HPSE2: variants seen among roughly 807,000 people sequenced by gnomAD.
HPSE2 encodes the protein inactive heparanase-2.
In HPSE2, 38 loss-of-function variants were observed where a neutral mutation model predicts 60.5. That is an observed-to-expected ratio of 0.63 (90% CI 0.48 to 0.82). The LOEUF (loss-of-function observed/expected upper bound fraction) is 0.82, where lower values mean the gene tolerates loss of function less well. Ranked by LOEUF, HPSE2 falls within the 40% of genes least tolerant of loss-of-function variation. The pLI, the probability that HPSE2 is intolerant of heterozygous loss-of-function variation, is 0.00. For missense variants in HPSE2, 713 were observed against 740.4 expected (o/e 0.96, Z 0.43); for synonymous variants, 295 against 293.2 (o/e 1.01, Z -0.06).
At chr10:99,091,593 CA>C in intron 3 of HPSE2, among the ~76,000 whole-genome samples, 1 of 151,894 alleles carries the variant, frequency 6.6e-6, no homozygotes, top group Non-Finnish European at 1.5e-5. Flanking sequence ...AAAACAACAA[CA>C]AAAAAAATGA....
intron 3 of HPSE2, among the ~76,000 whole-genome samples, chr10:98,925,288 C>T (rs1214182590): frequency 6.6e-6 from 1 of 151,862 alleles, no homozygotes; most frequent in Non-Finnish European, 1.5e-5. Flanking sequence ...GCCAGAGGGA[C>T]AAACAGTGAA....
Position 98,805,548 on chromosome 10 carries a change from A to G in HPSE2, c.611-61492T>C, listed in dbSNP as rs546810353. Among the ~76,000 whole-genome samples the G allele has an allele frequency of 3.9e-5, 6 of 152,264 alleles. No individual in the cohort carries two copies. In the South Asian group the frequency reaches 8.3e-4, roughly 21 times the overall value. On this transcript the variant is annotated intron_variant, in intron 3 of 11. Transcript: ENST00000370552. ...ATATATACACATACACCTACTATGTATCCACAAAAATAAAAAGATTAAAAA... is the reference window on the plus strand; with the variant it reads ...ATATATACACATACACCTACTATGTGTCCACAAAAATAAAAAGATTAAAAA...
chr10:98,825,977 G>A (rs534912239), intron 3 of HPSE2, among the ~76,000 whole-genome samples: 15 of 152,248 alleles, frequency 9.9e-5, no homozygotes, highest in Admixed American at 9.8e-4. Flanking sequence ...CCTACTTCCA[G>A]ACTCCTCATC....
rs779720749 is a variant in HPSE2 at position 98,852,113 on chromosome 10, A to ATATGTG, written c.611-108058_611-108057insCACATA. 3.9e-3 allele frequency among the ~76,000 whole-genome samples: 361 copies of ATATGTG among 91,900 alleles called. 2 individuals carry two copies. Among genetic ancestry groups the ATATGTG allele is most frequent in the East Asian group, 0.02 (52 of 2,620 alleles). 60.3% of individuals were successfully genotyped at this position (91,900 alleles called of 152,430 possible). A position where few individuals can be genotyped will look rare whatever the true frequency, so the allele number is the denominator to read the frequency against. ...GGTTTTGCAAACCTTGTATATTATGATGTGTGTGTGTGTGTGTGTGTGTGT... is the reference window on the plus strand; with the variant it reads ...GGTTTTGCAAACCTTGTATATTATGATATGTGTGTGTGTGTGTGTGTGTGTGTGTGT... On this transcript the variant is annotated intron_variant, in intron 3 of 11. Transcript: ENST00000370552.
rs72831964 is a variant in HPSE2, at chr10:98,644,948, A to T, written c.1005-3008T>A. Reference sequence around the variant, plus strand: ...AGCGGGAGGAGATACAGGCATGGAAACCAATAAATAAAGTTATTTTATCTC... The same window carrying T: ...AGCGGGAGGAGATACAGGCATGGAATCCAATAAATAAAGTTATTTTATCTC... On this transcript the variant is annotated intron_variant, in intron 6 of 11. Transcript: ENST00000370552. Among the ~76,000 whole-genome samples the T allele has an allele frequency of 8.1e-3, 1,240 of 152,272 alleles. 9 individuals are homozygous for T. The highest frequency in any genetic ancestry group is 0.027 in the South Asian group (129 of 4,822).
intron 2 of HPSE2, among the ~76,000 whole-genome samples, chr10:99,180,462 T>C (rs1037476561): frequency 4.6e-5 from 7 of 152,128 alleles, no homozygotes; most frequent in African/African-American, 1.7e-4. Flanking sequence ...CAGACACTTC[T>C]CAAAAGAAGA....
chr10:98,465,743 GC>G (rs1342307461), intron 11 of HPSE2, among the ~76,000 whole-genome samples: 4 of 152,080 alleles, frequency 2.6e-5, no homozygotes, highest in African/African-American at 9.7e-5. Flanking sequence ...CTCCTAAATG[GC>G]TCGTGACTTT....
chr10:98,517,272 C>T (rs1184379183), intron 9 of HPSE2, among the ~76,000 whole-genome samples: 3 of 152,074 alleles, frequency 2.0e-5, no homozygotes, highest in Non-Finnish European at 4.4e-5. Context: ...GTCAGTAGCA[C>T]ACCCCTCATG....
intron 9 of HPSE2, among the ~76,000 whole-genome samples, chr10:98,542,920 G>C (rs1943523013): frequency 6.6e-6 from 1 of 151,974 alleles, no homozygotes; most frequent in East Asian, 1.9e-4. Flanking sequence ...TATTATCCAG[G>C]AGAACTTCCC....
rs1953908229 is a variant in HPSE2, at chr10:98,909,094, G to A, written c.611-165038C>T. Among the ~76,000 whole-genome samples, 3 of 152,108 alleles carry A rather than the reference G, an allele frequency of 2.0e-5. No individual in the cohort carries two copies. In the South Asian group the frequency reaches 6.2e-4, roughly 32 times the overall value. On this transcript the variant is annotated intron_variant, in intron 3 of 11. Coordinates refer to ENST00000370552, the MANE Select transcript of HPSE2 (RefSeq NM_021828.5). ...GTAACTTTGAGGCAACAAAATGGTG[G>A]AGCCACAAACAGAAATATCCTGGGT...
At chr10:98,465,123 T>C (rs181821038) in intron 11 of HPSE2, among the ~76,000 whole-genome samples, 89 of 152,326 alleles carry the variant, frequency 5.8e-4, no homozygotes, top group Admixed American at 1.6e-3. Flanking sequence ...TTTCTTTTAA[T>C]ATTTATCTTG....
At chr10:98,936,335 C>G (rs563068776) in intron 3 of HPSE2, among the ~76,000 whole-genome samples, 8 of 143,902 alleles carry the variant, frequency 5.6e-5, no homozygotes, top group African/African-American at 1.4e-4. Context: ...CACTAGAGTT[C>G]CAAGTGCCAC....
chr10:98,518,550 G>GA (rs1271751036), intron 9 of HPSE2, among the ~76,000 whole-genome samples: 2 of 151,688 alleles, frequency 1.3e-5, no homozygotes, highest in African/African-American at 4.9e-5. Context: ...TACTAAAAAT[G>GA]AAAAAAAATT....
chr10:98,944,432 T>C (rs564375189), intron 3 of HPSE2, among the ~76,000 whole-genome samples: 1 of 152,290 alleles, frequency 6.6e-6, no homozygotes, highest in East Asian at 1.9e-4. Flanking sequence ...CATTAGAATA[T>C]TCTCTTTGCA....
chr10:99,268,514 T>C, the HPSE2 span, among the ~76,000 whole-genome samples: 207 of 150,840 alleles, frequency 1.4e-3, 1 homozygote, highest in Non-Finnish European at 2.8e-3. Flanking sequence ...GGTGTGGTGG[T>C]GTGCACCTAT....
At chr10:98,517,628 C>T (rs1404071948) in intron 9 of HPSE2, among the ~76,000 whole-genome samples, 2 of 152,314 alleles carry the variant, frequency 1.3e-5, no homozygotes, top group Non-Finnish European at 2.9e-5. Flanking sequence ...ACCCAGCCAA[C>T]TAAGGTTTCC....
intron 2 of HPSE2, among the ~76,000 whole-genome samples, chr10:99,204,552 T>A (rs554405685): frequency 3.3e-5 from 5 of 152,162 alleles, no homozygotes; most frequent in Non-Finnish European, 5.9e-5. Flanking sequence ...AATCTCCCAA[T>A]AGCTGACTCC....
intron 9 of HPSE2, among the ~76,000 whole-genome samples, chr10:98,497,530 T>C (rs1194575557): frequency 6.6e-6 from 1 of 152,214 alleles, no homozygotes; most frequent in African/African-American, 2.4e-5. Context: ...TATTTTAATA[T>C]CTACAGATTC....
At chr10:99,153,625 A>G (rs1846385025) in intron 2 of HPSE2, among the ~76,000 whole-genome samples, 1 of 152,114 alleles carries the variant, frequency 6.6e-6, no homozygotes, top group Admixed American at 6.5e-5. Context: ...CAAAGACCAA[A>G]AGTAGATAAA....
Sources: allele counts gnomAD v4.1 joint callset (sites outside exome capture counted in the v4.1 genomes callset), GRCh38; gene constraint gnomAD v4.1.1; transcripts MANE v1.5; gene names NCBI Gene and HGNC (gene_info 2026-07-23, HGNC 2026-07-21).